The following GAS7 variants were observed in gnomAD, a reference collection of about 807,000 sequenced individuals.
The protein encoded by GAS7 is growth arrest specific 7.
In GAS7, 28 loss-of-function variants were observed where a neutral mutation model predicts 71.1. The ratio of observed to expected loss-of-function variants is 0.39; its 90% CI spans 0.29 to 0.54. The LOEUF (loss-of-function observed/expected upper bound fraction) is 0.54, where lower values mean the gene tolerates loss of function less well. Among genes scored for constraint, GAS7 ranks in the 20% least tolerant of loss-of-function variants. The pLI, the probability that GAS7 is intolerant of heterozygous loss-of-function variation, is 0.62. For synonymous variants in GAS7, 258 were observed against 245.8 expected (o/e 1.05, Z -0.46); for missense variants, 436 against 627.8 (o/e 0.69, Z 3.27).
chr17:10,095,546 C>T (rs544139919), intron 1 of GAS7, among the ~76,000 whole-genome samples: 1 of 152,230 alleles, frequency 6.6e-6, no homozygotes, highest in East Asian at 1.9e-4. Context: ...CAGATCTTGG[C>T]CGCAGTGGCT....
At chr17:10,046,989 C>A (rs1333086125) in intron 1 of GAS7, among the ~76,000 whole-genome samples, 2 of 152,070 alleles carry the variant, frequency 1.3e-5, no homozygotes, top group East Asian at 3.9e-4. Flanking sequence ...GCACTTCATG[C>A]CTCTGCCACT....
chr17:10,144,761 T>A (rs1003550943), intron 1 of GAS7, among the ~76,000 whole-genome samples: 1 of 152,072 alleles, frequency 6.6e-6, no homozygotes, highest in Admixed American at 6.5e-5. Flanking sequence ...TTGCCCAGGC[T>A]GTTCTTGAAC....
chr17:10,136,852 C>T (rs2074042433), intron 1 of GAS7, among the ~76,000 whole-genome samples: 1 of 152,186 alleles, frequency 6.6e-6, no homozygotes, highest in Non-Finnish European at 1.5e-5. Flanking sequence ...GGCATCGTGG[C>T]TCACGCCTGT....
intron 1 of GAS7, among the ~76,000 whole-genome samples, chr17:10,048,831 T>C (rs1220660241): frequency 6.6e-6 from 1 of 152,204 alleles, no homozygotes; most frequent in African/African-American, 2.4e-5. Context: ...ACAAATACAA[T>C]GCATATGTAA....
intron 1 of GAS7, among the ~76,000 whole-genome samples, chr17:10,149,736 C>T (rs981965675): frequency 6.6e-6 from 1 of 152,024 alleles, no homozygotes; most frequent in African/African-American, 2.4e-5. Flanking sequence ...CGTGGCATAT[C>T]GGGATAATGG....
In GAS7 at chr17:10,007,661, T is replaced by C. The variant is rs17208275; in HGVS notation, c.304+12116A>G. Reference sequence around the variant, plus strand: ...AAAAAAAAAAAAAAAGAACAGTTTCTAAAGGATGCCAAGAAAGTCATAAAC... The same window carrying C: ...AAAAAAAAAAAAAAAGAACAGTTTCCAAAGGATGCCAAGAAAGTCATAAAC... On this transcript the variant is annotated intron_variant, in intron 2 of 13. Coordinates refer to ENST00000432992, the MANE Select transcript of GAS7 (RefSeq NM_201433.2). 9.6e-3 allele frequency among the ~76,000 whole-genome samples: 1,400 copies of C among 146,164 alleles called. 36 individuals are homozygous for C. The highest frequency in any genetic ancestry group is 0.092 in the East Asian group (458 of 5,002).
intron 8 of GAS7, 68 bp from the exon 9 acceptor site, chr17:9,934,312 T>C: frequency 2.8e-6 from 3 of 1,073,864 alleles, no homozygotes; most frequent in Non-Finnish European, 4.3e-6. Context: ...ATGGTGGGGC[T>C]CCACCCCAGG....
At chr17:10,039,665 A>G (rs1184527495) in intron 1 of GAS7, 3 of 444,184 alleles carry the variant, frequency 6.8e-6, no homozygotes, top group Non-Finnish European at 1.3e-5. Context: ...CCTGGACGTC[A>G]GAGTGAGACC....
intron 1 of GAS7, among the ~76,000 whole-genome samples, chr17:10,197,988 T>A (rs8071183): frequency 6.6e-6 from 1 of 151,914 alleles, no homozygotes; most frequent in African/African-American, 2.4e-5. Context: ...CGGCGCAAGG[T>A]GGAAGCTCCC....
chr17:9,964,628 A>C (rs1484351550), intron 4 of GAS7, among the ~76,000 whole-genome samples: 2 of 152,192 alleles, frequency 1.3e-5, no homozygotes, highest in Admixed American at 1.3e-4. Flanking sequence ...CAGTCTTAGA[A>C]TAGGTATCTT....
rs1350883123 is a variant in GAS7 at position 9,915,171 on chromosome 17, G to C, written c.*2057C>G. ...GCCAACCTGAGCTACCCTGGAAGAC[G>C]CAAGAGGGCTCACTCTATCCCAGGG... On this transcript the variant is annotated 3_prime_UTR_variant, in exon 14 of 14. Coordinates refer to ENST00000432992, the MANE Select transcript of GAS7 (RefSeq NM_201433.2). The C allele has an allele frequency of 1.7e-5, 4 of 231,030 alleles. No homozygotes were observed. The highest frequency in any genetic ancestry group is 2.6e-5 in the Non-Finnish European group (3 of 116,674). 14.3% of individuals were successfully genotyped at this position (231,030 alleles called of 1,614,324 possible).
At position 10,103,038 on chromosome 17, in the gene GAS7, A is replaced by G. The variant is rs1318165369; in HGVS notation, c.184-83141T>C. Among the ~76,000 whole-genome samples, 4 of 152,192 alleles carry G rather than the reference A, an allele frequency of 2.6e-5. No homozygotes were observed. Among genetic ancestry groups the G allele is most frequent in the Admixed American group, 6.5e-5 (1 of 15,286 alleles). On this transcript the variant is annotated intron_variant, in intron 1 of 13. Coordinates refer to ENST00000432992, the MANE Select transcript of GAS7 (RefSeq NM_201433.2). The surrounding 1 kb of genome is among the most constrained non-coding windows in gnomAD (Gnocchi z 5.5). ...CATTCCTGTCGCCTAGAAGCTTGTT[A>G]GAAATGCAGAATCTGCATTTTAACA...
In GAS7 at chr17:10,014,068, A is replaced by C. The variant is rs921198769; in HGVS notation, c.304+5709T>G. ...CTCTAAGTCACACCGTAGCCATCCA[A>C]ATGCCAGCCATCTCTCCCAGAACGC... is the stretch of plus-strand genomic sequence containing the variant. On this transcript the variant is annotated intron_variant, in intron 2 of 13. Coordinates refer to ENST00000432992, the MANE Select transcript of GAS7 (RefSeq NM_201433.2). Among the ~76,000 whole-genome samples the C allele has an allele frequency of 9.2e-5, 14 of 152,220 alleles. 2 individuals are homozygous for C. The highest frequency in any genetic ancestry group is 3.9e-4 in the East Asian group (2 of 5,182).
intron 4 of GAS7, among the ~76,000 whole-genome samples, chr17:9,966,261 GT>G (rs1452648364): frequency 2.0e-5 from 3 of 151,786 alleles, no homozygotes; most frequent in African/African-American, 7.3e-5. Flanking sequence ...GCCTCCCAAA[GT>G]GCTGGGATTA....
At chr17:10,140,454 G>A (rs770398650) in intron 1 of GAS7, among the ~76,000 whole-genome samples, 8 of 152,064 alleles carry the variant, frequency 5.3e-5, no homozygotes, top group Non-Finnish European at 1.0e-4. Context: ...GCGAGACCCT[G>A]TCTCAAAAAT....
rs2067527937 is a variant in GAS7, at chr17:9,914,495, G to A, written c.*2733C>T. ...CCCACCTCGGCCTCCCAAAGAGCTG[G>A]GATTACAGGCGTGAGCCACCGTGCC... On this transcript the variant is annotated 3_prime_UTR_variant, in exon 14 of 14. Coordinates refer to ENST00000432992, the MANE Select transcript of GAS7 (RefSeq NM_201433.2). 5.5e-6 allele frequency: 1 copy of A among 182,880 alleles called. No homozygotes were observed. Among genetic ancestry groups the A allele is most frequent in the South Asian group, 2.0e-4 (1 of 5,076 alleles). 11.3% of individuals were successfully genotyped at this position (182,880 alleles called of 1,614,324 possible).
At chr17:10,126,370 ACACACC>A (rs931758744) in intron 1 of GAS7, among the ~76,000 whole-genome samples, 3 of 142,788 alleles carry the variant, frequency 2.1e-5, no homozygotes, top group Admixed American at 1.5e-4. Context: ...ACTCTTGCAC[ACACACC>A]CACACACTCA....
At chr17:10,002,415 A>T (rs60107736) in intron 2 of GAS7, among the ~76,000 whole-genome samples, 35,426 of 151,212 alleles carry the variant, frequency 0.23, 6,334 homozygotes, top group African/African-American at 0.51. Flanking sequence ...ACATCTTTTT[A>T]TTTTTTTAAT....
chr17:9,932,797 C>T (rs1343199151), intron 9 of GAS7, among the ~76,000 whole-genome samples: 1 of 152,176 alleles, frequency 6.6e-6, no homozygotes, highest in African/African-American at 2.4e-5. Flanking sequence ...AAGACACCAT[C>T]CTGAGCCCTG....
Sources: gnomAD v4.1 joint callset for allele counts (sites outside exome capture counted in the v4.1 genomes callset) on GRCh38, gnomAD v4.1.1 for gene constraint, Gnocchi (gnomAD v3.1) non-coding constraint, MANE v1.5 for transcripts, NCBI Gene and HGNC (gene_info 2026-07-23, HGNC 2026-07-21) for gene names.